The following RPS6KC1 variants were observed in gnomAD, a reference collection of about 807,000 sequenced individuals.
RPS6KC1 encodes ribosomal protein S6 kinase C1.
A neutral mutation model predicts 103.8 loss-of-function variants in RPS6KC1; 54 were observed. The observed-to-expected ratio is 0.52, with a 90% CI of 0.42 to 0.65. The LOEUF (loss-of-function observed/expected upper bound fraction) is 0.65. RPS6KC1 is among the 30% of genes least tolerant of loss of function. The probability of loss-of-function intolerance (pLI) is 0.00; values close to 1 mark genes in which losing one functional copy is unlikely to be tolerated. For missense variants in RPS6KC1, 1,151 were observed against 1,253.8 expected (o/e 0.92, Z 1.24); for synonymous variants, 439 against 438.7 (o/e 1.00, Z -0.01).
chr1:213,380,319 C>T, the RPS6KC1 span, among the ~76,000 whole-genome samples: 2 of 152,142 alleles, frequency 1.3e-5, no homozygotes, highest in South Asian at 4.2e-4. Context: ...ACAATAGGGC[C>T]TACTGGAGAA....
the RPS6KC1 span, among the ~76,000 whole-genome samples, chr1:213,741,113 CT>C: frequency 1.5e-4 from 22 of 149,668 alleles, no homozygotes; most frequent in African/African-American, 5.4e-4. Flanking sequence ...GGGGCATTAT[CT>C]TTTTCTAATT....
the RPS6KC1 span, among the ~76,000 whole-genome samples, chr1:213,827,898 T>A: frequency 6.6e-6 from 1 of 152,166 alleles, no homozygotes. Flanking sequence ...TTATTTTTAC[T>A]GGAGTATAAA....
At chr1:213,444,154 A>G in the RPS6KC1 span, among the ~76,000 whole-genome samples, 2 of 151,964 alleles carry the variant, frequency 1.3e-5, no homozygotes, top group Non-Finnish European at 2.9e-5. Flanking sequence ...CATAATTCCA[A>G]TCTTTATGTG....
chr1:213,605,504 C>G, the RPS6KC1 span, among the ~76,000 whole-genome samples: 9 of 151,960 alleles, frequency 5.9e-5, no homozygotes, highest in Non-Finnish European at 1.5e-5. Context: ...GAGTGGCCCT[C>G]AAAGACTTAA....
intron 6 of RPS6KC1, among the ~76,000 whole-genome samples, chr1:213,161,559 G>A (rs1004460388): frequency 6.6e-6 from 1 of 152,106 alleles, no homozygotes; most frequent in African/African-American, 2.4e-5. Flanking sequence ...GACCTCAAAT[G>A]ATCCACCTGC....
intron 6 of RPS6KC1, among the ~76,000 whole-genome samples, chr1:213,149,989 G>A (rs551537200): frequency 6.6e-6 from 1 of 152,102 alleles, no homozygotes; most frequent in East Asian, 1.9e-4. Flanking sequence ...GTTTCCATTG[G>A]TGTGGAATAT....
intron 10 of RPS6KC1, among the ~76,000 whole-genome samples, chr1:213,235,494 G>T (rs537752002): frequency 1.3e-5 from 2 of 152,242 alleles, no homozygotes; most frequent in East Asian, 1.9e-4. Flanking sequence ...TTTATATAGG[G>T]TGGTCATCTT....
chr1:213,342,959 G>A, the RPS6KC1 span, among the ~76,000 whole-genome samples: 16 of 152,138 alleles, frequency 1.1e-4, no homozygotes, highest in East Asian at 1.9e-3. Flanking sequence ...ACCAGCCTGG[G>A]CAACATAGCG....
intron 6 of RPS6KC1, among the ~76,000 whole-genome samples, chr1:213,130,416 T>G (rs2085473697): frequency 6.6e-6 from 1 of 152,214 alleles, no homozygotes; most frequent in Admixed American, 6.5e-5. Context: ...AGAACTTACT[T>G]TTTTGAAGTA....
chr1:213,669,268 A>G, the RPS6KC1 span, among the ~76,000 whole-genome samples: 1 of 152,172 alleles, frequency 6.6e-6, no homozygotes, highest in Non-Finnish European at 1.5e-5. Context: ...TCACTTGAAC[A>G]CCTAGAGGCA....
chr1:213,186,260 G>T (rs1053540140), intron 8 of RPS6KC1, among the ~76,000 whole-genome samples: 1 of 145,814 alleles, frequency 6.9e-6, no homozygotes, highest in Non-Finnish European at 1.5e-5. Context: ...TTCTTATAAT[G>T]TAGATCTGAT....
intron 3 of RPS6KC1, 25 bp downstream of exon 3, chr1:213,077,841 AT>A (rs1235731078): frequency 7.2e-7 from 1 of 1,379,540 alleles, no homozygotes; most frequent in African/African-American, 1.5e-5. Context: ...TGAAATTGTA[AT>A]TTAAAAAAAT....
intron 8 of RPS6KC1, 26 bp from the exon 9 acceptor site, chr1:213,230,471 A>C: frequency 6.5e-7 from 1 of 1,535,316 alleles, no homozygotes; most frequent in Non-Finnish European, 9.0e-7. Context: ...ATTGTTAATA[A>C]ATTATTACTC....
intron 3 of RPS6KC1, among the ~76,000 whole-genome samples, chr1:213,083,665 G>A (rs2080113126): frequency 6.6e-6 from 1 of 152,114 alleles, no homozygotes; most frequent in African/African-American, 2.4e-5. Context: ...AGGAGGGTGA[G>A]GAGATCTTGT....
chr1:213,191,867 G>A (rs2092759931), intron 8 of RPS6KC1, among the ~76,000 whole-genome samples: 1 of 151,982 alleles, frequency 6.6e-6, no homozygotes, highest in South Asian at 2.1e-4. Context: ...GGAGTGCAGT[G>A]GCATGATCTC....
At chr1:213,159,155 G>C (rs952905933) in intron 6 of RPS6KC1, among the ~76,000 whole-genome samples, 39 of 151,938 alleles carry the variant, frequency 2.6e-4, no homozygotes, top group African/African-American at 9.2e-4. Context: ...TACTCAGGAG[G>C]CTTAGTATAC....
intron 8 of RPS6KC1, among the ~76,000 whole-genome samples, chr1:213,221,193 CT>C (rs910893551): frequency 8.1e-5 from 12 of 147,994 alleles, no homozygotes; most frequent in African/African-American, 1.5e-4. Flanking sequence ...TATGACTAGA[CT>C]TTTTTTTTTA....
chr1:213,698,935 A>C, the RPS6KC1 span, among the ~76,000 whole-genome samples: 26 of 152,076 alleles, frequency 1.7e-4, no homozygotes, highest in African/African-American at 5.8e-4. Flanking sequence ...GGTACATAGT[A>C]GGTGTATATA....
chr1:213,382,078 T>C, the RPS6KC1 span, among the ~76,000 whole-genome samples: 9 of 152,164 alleles, frequency 5.9e-5, no homozygotes, highest in Non-Finnish European at 1.3e-4. Context: ...GTGGCTTTTT[T>C]CCCTTCCGTG....
Sources: allele counts gnomAD v4.1 joint callset (sites outside exome capture counted in the v4.1 genomes callset), GRCh38; gene constraint gnomAD v4.1.1; transcripts MANE v1.5; gene names NCBI Gene and HGNC (gene_info 2026-07-23, HGNC 2026-07-21).